The following BBX variants were observed in gnomAD, a reference collection of about 807,000 sequenced individuals.
The protein encoded by BBX is BBX high mobility group box domain containing, also known as HMG box transcription factor BBX.
BBX carries 30 observed loss-of-function variants against 100.2 expected under a neutral mutation model. That is an observed-to-expected ratio of 0.30 (90% confidence interval 0.22 to 0.41). The LOEUF (loss-of-function observed/expected upper bound fraction) is 0.41. Ranked by LOEUF, BBX falls within the 10% of genes least tolerant of loss-of-function variation. BBX has a pLI of 1.00. For synonymous variants in BBX, 376 were observed against 388.1 expected (o/e 0.97, Z 0.37); for missense variants, 1,023 against 1,129.8 (o/e 0.91, Z 1.35).
At chr3:107,739,053 T>C (rs1053223482) in intron 7 of BBX, among the ~76,000 whole-genome samples, 44 of 152,184 alleles carry the variant, frequency 2.9e-4, no homozygotes, top group Admixed American at 2.7e-3. Flanking sequence ...AAAGGAATGA[T>C]TATGTCCACA....
At chr3:107,576,567 AG>A (rs2051792633) in intron 2 of BBX, among the ~76,000 whole-genome samples, 1 of 152,184 alleles carries the variant, frequency 6.6e-6, no homozygotes, top group Non-Finnish European at 1.5e-5. Context: ...TGTGTGTGAA[AG>A]CCAAAATTTA....
At chr3:107,688,938 C>A (rs1317395541) in intron 3 of BBX, among the ~76,000 whole-genome samples, 1 of 152,040 alleles carries the variant, frequency 6.6e-6, no homozygotes, top group South Asian at 2.1e-4. Flanking sequence ...CTCAGTGAGC[C>A]CCTACCTTTC....
chr3:107,677,703 C>G (rs983012774), intron 3 of BBX, among the ~76,000 whole-genome samples: 1 of 152,084 alleles, frequency 6.6e-6, no homozygotes. Context: ...TATTCAGTAA[C>G]TTGGGTATAT....
chr3:107,579,126 A>G (rs2052059330), intron 2 of BBX, among the ~76,000 whole-genome samples: 1 of 152,030 alleles, frequency 6.6e-6, no homozygotes, highest in Admixed American at 6.6e-5. Flanking sequence ...TCACTTTCAC[A>G]TTGTGTTTCC....
At chr3:107,659,021 C>A (rs191065697) in intron 3 of BBX, among the ~76,000 whole-genome samples, 1 of 152,116 alleles carries the variant, frequency 6.6e-6, no homozygotes, top group African/African-American at 2.4e-5. Context: ...ACTTTCCTCC[C>A]CTTTTCTACC....
intron 7 of BBX, among the ~76,000 whole-genome samples, chr3:107,734,536 T>A (rs2063520145): frequency 1.3e-5 from 2 of 152,222 alleles, no homozygotes; most frequent in Non-Finnish European, 2.9e-5. Context: ...AATGTTGGAC[T>A]AATAATATGC....
chr3:107,633,971 A>G (rs530625382), intron 2 of BBX, among the ~76,000 whole-genome samples: 4 of 152,292 alleles, frequency 2.6e-5, no homozygotes, highest in African/African-American at 9.6e-5. Flanking sequence ...CACCAGATAG[A>G]GTGGGCTTTC....
At position 107,773,989 on chromosome 3, in the gene BBX, A is replaced by G. The variant is rs2067118744; in HGVS notation, c.1915+353A>G. On this transcript the variant is annotated intron_variant, in intron 11 of 17. Coordinates refer to ENST00000325805, the MANE Select transcript of BBX (RefSeq NM_001142568.3). This position sits in a 1 kb window ranked among gnomAD's most constrained non-coding sequence, Gnocchi z 4.1. ...GAAAACTGGTGGAATTTCGAGAATC[A>G]AGCACGTATGTTTGTCAGAATCTTC... 6.6e-6 allele frequency among the ~76,000 whole-genome samples: 1 copy of G among 152,192 alleles called. No homozygotes were observed. Among genetic ancestry groups the G allele is most frequent in the East Asian group, 1.9e-4 (1 of 5,196 alleles).
At position 107,778,360 on chromosome 3, in the gene BBX, C is replaced by T. The variant is rs2067498498; in HGVS notation, c.2055-11C>T. 6.2e-7 allele frequency: 1 copy of T among 1,612,870 alleles called. No individual in the cohort carries two copies. Among genetic ancestry groups the T allele is most frequent in the African/African-American group, 1.3e-5 (1 of 74,772 alleles). ...CATGTGCTGATTGATTCCCCTCTCCCCTTTTAATAGCTCCGCAAAGCTGGA... is the reference window on the plus strand; with the variant it reads ...CATGTGCTGATTGATTCCCCTCTCCTCTTTTAATAGCTCCGCAAAGCTGGA... On this transcript the variant is annotated splice_polypyrimidine_tract_variant and intron_variant, in intron 12 of 17. Coordinates refer to ENST00000325805, the MANE Select transcript of BBX (RefSeq NM_001142568.3).
In BBX at chr3:107,808,209, A is replaced by G. The variant is rs2071156021; in HGVS notation, c.*2752A>G. On this transcript the variant is annotated 3_prime_UTR_variant, in exon 18 of 18. Transcript: ENST00000325805. Reference sequence around the variant, plus strand: ...GCCAGCAGATACCATCTACACTAACATTTGTCCCACAGCATCCTCAAGAGA... The same window carrying G: ...GCCAGCAGATACCATCTACACTAACGTTTGTCCCACAGCATCCTCAAGAGA... 6.6e-6 allele frequency: 1 copy of G among 152,188 alleles called. No homozygotes were observed. Among genetic ancestry groups the G allele is most frequent in the Non-Finnish European group, 1.5e-5 (1 of 68,040 alleles). 9.4% of individuals were successfully genotyped at this position (152,188 alleles called of 1,614,324 possible).
intron 2 of BBX, among the ~76,000 whole-genome samples, chr3:107,579,066 T>C (rs1474640329): frequency 6.6e-6 from 1 of 152,206 alleles, no homozygotes; most frequent in Non-Finnish European, 1.5e-5. Context: ...TGAGAGGGAT[T>C]ACCCATACTC....
Position 107,673,163 on chromosome 3 carries a change from GTTAATAAGAGTTA to G in BBX, c.-10+27267_-10+27279del, listed in dbSNP as rs1466064633. 2.0e-3 allele frequency among the ~76,000 whole-genome samples: 301 copies of G among 152,146 alleles called. 4 individuals carry two copies. The highest frequency in any genetic ancestry group is 5.6e-4 in the Non-Finnish European group (38 of 67,934). On this transcript the variant is annotated intron_variant, in intron 3 of 17. Coordinates refer to ENST00000325805, the MANE Select transcript of BBX (RefSeq NM_001142568.3). The stretch of plus-strand genomic sequence containing the variant: ...TTATTCCTAAATCAAGTTAGATGAA[GTTAATAAGAGTTA>G]TTAATAAGAGTTTCACGTTAACAGA...
intron 2 of BBX, among the ~76,000 whole-genome samples, chr3:107,571,500 G>A (rs1412931926): frequency 1.3e-5 from 2 of 152,178 alleles, no homozygotes; most frequent in East Asian, 3.9e-4. Context: ...GGAGATTGAA[G>A]GGTAGTGAGA....
rs565048977 is a variant in BBX at position 107,805,445 on chromosome 3, C to T, written c.2814C>T (p.Cys938=). The T allele has an allele frequency of 2.3e-5, 37 of 1,614,142 alleles. No homozygotes were observed. In the East Asian group the frequency reaches 3.1e-4, roughly 14 times the overall value. The change falls in exon 18 of 18, where the codon TGC becomes TGT. Residue 938 remains cysteine, a synonymous_variant. Coordinates refer to ENST00000325805, the MANE Select transcript of BBX (RefSeq NM_001142568.3). ...CGCAGGCTCCTGTACTTATTTCCTG[C>T]GCTGACCAGTGAAGCGCCCTTTCAT... ...EMPQAPVLIS[C]ADQ
chr3:107,525,142 G>A (rs1424771467), intron 1 of BBX, among the ~76,000 whole-genome samples: 2 of 148,802 alleles, frequency 1.3e-5, no homozygotes, highest in Non-Finnish European at 3.0e-5. Flanking sequence ...GCCCAGGGGC[G>A]CCGGGGGTCC....
Position 107,805,373 on chromosome 3 carries a change from T to C in BBX, c.2742T>C (p.Gly914=), listed in dbSNP as rs1369314070. 2 of 1,612,578 alleles carry C rather than the reference T, an allele frequency of 1.2e-6. No homozygotes were observed. The highest frequency in any genetic ancestry group is 1.7e-6 in the Non-Finnish European group (2 of 1,179,254). Residue 914 remains glycine (G), a synonymous_variant, in exon 18 of 18, where the codon GGT becomes GGC. Coordinates refer to ENST00000325805, the MANE Select transcript of BBX (RefSeq NM_001142568.3). The part of the protein sequence containing the change: ...EVAAMENVHR[G]QRSTPLTHDG... Reference sequence around the variant, plus strand: ...TTTTCTTCCTTTTATTTTACAGAGGTCAGAGGTCAACTCCGCTCACCCATG... The same window carrying C: ...TTTTCTTCCTTTTATTTTACAGAGGCCAGAGGTCAACTCCGCTCACCCATG...
intron 2 of BBX, among the ~76,000 whole-genome samples, chr3:107,591,605 A>G (rs2053318989): frequency 6.6e-6 from 1 of 152,178 alleles, no homozygotes; most frequent in Non-Finnish European, 1.5e-5. Context: ...CTCCTGCCTC[A>G]TACTCCCGAG....
intron 4 of BBX, among the ~76,000 whole-genome samples, chr3:107,713,962 T>C (rs13098362): frequency 7.2e-6 from 1 of 137,962 alleles, no homozygotes; most frequent in Non-Finnish European, 1.5e-5. Context: ...TTTAATAATT[T>C]TTTTCTTTTT....
intron 2 of BBX, among the ~76,000 whole-genome samples, chr3:107,531,858 A>G (rs2048182763): frequency 6.6e-6 from 1 of 152,134 alleles, no homozygotes; most frequent in South Asian, 2.1e-4. Flanking sequence ...AGCACAGGGC[A>G]TTCTCTCTGG....
Sources: allele counts gnomAD v4.1 joint callset (sites outside exome capture counted in the v4.1 genomes callset), GRCh38; gene constraint gnomAD v4.1.1; non-coding constraint Gnocchi (gnomAD v3.1); transcripts MANE v1.5; gene names NCBI Gene and HGNC (gene_info 2026-07-23, HGNC 2026-07-21).